The following SCNM1 variants were observed in gnomAD, a reference collection of about 807,000 sequenced individuals.
SCNM1 encodes the protein sodium channel modifier 1.
A neutral mutation model predicts 32.8 loss-of-function variants in SCNM1; 24 were observed. That is an observed-to-expected ratio of 0.73 (90% CI 0.53 to 1.03). The LOEUF is 1.03. SCNM1 is among the 50% of genes least tolerant of loss of function. The pLI, the probability that SCNM1 is intolerant of heterozygous loss-of-function variation, is 0.00. For missense variants in SCNM1, 274 were observed against 282.3 expected (o/e 0.97, Z 0.21); for synonymous variants, 99 against 103.2 (o/e 0.96, Z 0.25).
Position 151,169,474 on chromosome 1 carries a change from G to C in SCNM1, c.*389G>C, listed in dbSNP as rs1683870828. On this transcript the variant is annotated 3_prime_UTR_variant, in exon 7 of 7. Coordinates refer to ENST00000368905, the MANE Select transcript of SCNM1 (RefSeq NM_024041.4). ...TTAGCCAGGATGGTCTCGATCTCCT[G>C]ACCTCGTGATCCGCCCACCTCGGCC... 1 of 173,348 alleles carries C rather than the reference G, an allele frequency of 5.8e-6. No homozygotes were observed. Among genetic ancestry groups the C allele is most frequent in the Non-Finnish European group, 1.3e-5 (1 of 79,948 alleles). The allele number at this position is 173,348 out of a possible 1,614,324, so 10.7% of individuals were successfully genotyped here.
chr1:151,167,387 A>G lies in SCNM1; in HGVS notation c.371A>G (p.Tyr124Cys), dbSNP rs763985521. The G allele has an allele frequency of 4.3e-6, 7 of 1,614,186 alleles. No homozygotes were observed. Among genetic ancestry groups the G allele is most frequent in the South Asian group, 1.1e-5 (1 of 91,084 alleles). ...TQSALHRAPH[Y>C]NSCCRRKYRP... Reference sequence around the variant, plus strand: ...AGTGCTCTGCACAGAGCTCCCCACTATAACAGTTGCTGCCGCCGGAAGTAC... The same window carrying G: ...AGTGCTCTGCACAGAGCTCCCCACTGTAACAGTTGCTGCCGCCGGAAGTAC... The change falls in exon 5 of 7, where the codon TAT (tyrosine) becomes TGT (cysteine). Residue 124 changes from tyrosine (Y) to cysteine (C), a missense_variant. By Grantham distance (194) the Tyr-to-Cys change is radical. Coordinates refer to ENST00000368905, the MANE Select transcript of SCNM1 (RefSeq NM_024041.4).
chr1:151,167,043 G>A (rs587691221), intron 3 of SCNM1, 21 bp downstream of exon 3: 1 of 1,614,016 alleles, frequency 6.2e-7, no homozygotes, highest in South Asian at 1.1e-5. Flanking sequence ...GGGAAGACGG[G>A]ATGGGGAATA....
rs1033912257 is a variant in SCNM1, at chr1:151,170,060, T to A, written c.*975T>A. 3 of 1,613,970 alleles carry A rather than the reference T, an allele frequency of 1.9e-6. No individual in the cohort carries two copies. Among genetic ancestry groups the A allele is most frequent in the African/African-American group, 2.7e-5 (2 of 75,034 alleles). On this transcript the variant is annotated 3_prime_UTR_variant, in exon 7 of 7. Transcript: ENST00000368905. ...AAGTGTCCAGTGCTCCCAGCGCTAG[T>A]TGGTAAAGGGAAATGCAGTGTTATC...
At chr1:151,168,455 C>G (rs1350948993) in intron 6 of SCNM1, 117 bp downstream of exon 6, 73 of 1,390,142 alleles carry the variant, frequency 5.3e-5, no homozygotes, top group Non-Finnish European at 6.7e-5. Context: ...GTTGCCCCAG[C>G]TGGAGTGCAA....
At chr1:151,168,089 T>A in intron 5 of SCNM1, 55 bp from the exon 6 acceptor site, 2 of 1,517,160 alleles carry the variant, frequency 1.3e-6, no homozygotes, top group Non-Finnish European at 1.8e-6. Flanking sequence ...TTGGGAGTCA[T>A]AGGAGAGTTG....
rs1392984772 is a variant in SCNM1 at position 151,168,478 on chromosome 1, G to A, written c.593+140G>A. The A allele has an allele frequency of 2.8e-5, 35 of 1,267,480 alleles. No homozygotes were observed. In the South Asian group the frequency reaches 4.3e-4, roughly 16 times the overall value. The allele number at this position is 1,267,480 out of a possible 1,614,324, so 78.5% of individuals were successfully genotyped here. On this transcript the variant is annotated intron_variant, in intron 6 of 6. Coordinates refer to ENST00000368905, the MANE Select transcript of SCNM1 (RefSeq NM_024041.4). ...AGCTGGAGTGCAATGGCACGCTCTC[G>A]GCTCACTGTAACCTCCACCTCCTGG...
At chr1:151,166,909 T>C in intron 2 of SCNM1, 25 bp from the exon 3 acceptor site, 1 of 1,613,630 alleles carries the variant, frequency 6.2e-7, no homozygotes, top group Non-Finnish European at 8.5e-7. Context: ...CTGGACCACT[T>C]ATCCTCTTCT....
At chr1:151,168,737 G>C (rs11577302) in intron 6 of SCNM1, among the ~76,000 whole-genome samples, 1 of 140,572 alleles carries the variant, frequency 7.1e-6, no homozygotes, top group Non-Finnish European at 1.5e-5. Context: ...CTTTGGTTTC[G>C]TTTTGTTTTA....
At position 151,166,178 on chromosome 1, in the gene SCNM1, A is replaced by T. The variant is rs138492136; in HGVS notation, c.26A>T (p.Asp9Val). The T allele has an allele frequency of 6.2e-7, 1 of 1,606,300 alleles. No individual in the cohort carries two copies. Among genetic ancestry groups the T allele is most frequent in the Admixed American group, 1.7e-5 (1 of 58,844 alleles). ...ATGTCTTTCAAGAGGGAAGGAGACGATTGGAGTCAACTCAATGTGCTCAAA... is the reference window on the plus strand; with the variant it reads ...ATGTCTTTCAAGAGGGAAGGAGACGTTTGGAGTCAACTCAATGTGCTCAAA... MSFKREGD[D>V]WSQLNVLKKR... The change falls in exon 1 of 7, where the codon GAT becomes GTT. Residue 9 changes from aspartate to valine, a missense_variant. Coordinates refer to ENST00000368905, the MANE Select transcript of SCNM1 (RefSeq NM_024041.4).
Position 151,166,511 on chromosome 1 carries a change from A to AG in SCNM1, c.94dup (p.Asp32GlyfsTer2). On this transcript the variant is annotated frameshift_variant, in exon 2 of 7. Transcript: ENST00000368905. LOFTEE classifies it high-confidence loss of function. The stretch of plus-strand genomic sequence containing the variant: ...GACCTCCTAGCCAGTTACATTCCAG[A>AG]GGATGAGGCGCTGATGCTTCGGGAT... 1 of 1,613,862 alleles carries AG rather than the reference A, an allele frequency of 6.2e-7. No individual in the cohort carries two copies. Among genetic ancestry groups the AG allele is most frequent in the Non-Finnish European group, 8.5e-7 (1 of 1,179,990 alleles).
Position 151,167,139 on chromosome 1 carries a change from GC to G in SCNM1, c.231del (p.Lys78ArgfsTer18). 6.2e-7 allele frequency: 1 copy of G among 1,614,174 alleles called. No individual in the cohort carries two copies. The highest frequency in any genetic ancestry group is 8.5e-7 in the Non-Finnish European group (1 of 1,180,044). ...KHLSSLQLFY[G>X]KKQPGKERKQ... ...TCCTCAGGCTTGCAGCTTTTCTATG[GC>G]AAGAAGCAGCCGGGAAAGGAAAGAA... On this transcript the variant is annotated frameshift_variant, in exon 4 of 7. Transcript: ENST00000368905. LOFTEE classifies it high-confidence loss of function.
chr1:151,169,261 T>C lies in SCNM1; in HGVS notation c.*176T>C, dbSNP rs946710457. On this transcript the variant is annotated 3_prime_UTR_variant, in exon 7 of 7. Coordinates refer to ENST00000368905, the MANE Select transcript of SCNM1 (RefSeq NM_024041.4). ...ACTCCTTTTTTTTTTTTTTTTTTTT[T>C]TGAGGCAGAGTCTCGCTCTATCGCC... The C allele has an allele frequency of 3.4e-6, 2 of 587,912 alleles. No individual in the cohort carries two copies. The highest frequency in any genetic ancestry group is 1.9e-5 in the African/African-American group (1 of 51,758). The allele number at this position is 587,912 out of a possible 1,614,324, so 36.4% of individuals were successfully genotyped here.
intron 2 of SCNM1, 135 bp downstream of exon 2, chr1:151,166,676 C>T: frequency 4.3e-6 from 6 of 1,409,572 alleles, no homozygotes; most frequent in Non-Finnish European, 3.8e-6. Flanking sequence ...TCAAGTGATC[C>T]TGCCTCCTCA....
Position 151,168,237 on chromosome 1 carries a change from T to C in SCNM1, c.492T>C (p.Pro164=), listed in dbSNP as rs1232051004. Residue 164 remains proline, a synonymous_variant, in exon 6 of 7, where the codon CCT becomes CCC. Transcript: ENST00000368905. Reference sequence around the variant, plus strand: ...GGAAGATCAGTAGGGAACCTGAACCTGCGGCTGGCCCACAGGCCGAGGAGT... The same window carrying C: ...GGAAGATCAGTAGGGAACCTGAACCCGCGGCTGGCCCACAGGCCGAGGAGT... ...QSGKISREPE[P]AAGPQAEESA... The C allele has an allele frequency of 6.2e-7, 1 of 1,614,108 alleles. No individual in the cohort carries two copies. Among genetic ancestry groups the C allele is most frequent in the Non-Finnish European group, 8.5e-7 (1 of 1,180,012 alleles).
At chr1:151,166,692 G>T (rs959426077) in intron 2 of SCNM1, 151 bp downstream of exon 2, 11 of 1,355,634 alleles carry the variant, frequency 8.1e-6, no homozygotes, top group Non-Finnish European at 9.8e-6. Context: ...CCTCAGCGTC[G>T]CGATTAGCTG....
At position 151,166,559 on chromosome 1, in the gene SCNM1, C is replaced by T. The variant is rs1439170547; in HGVS notation, c.122+18C>T. On this transcript the variant is annotated intron_variant, in intron 2 of 6. Coordinates refer to ENST00000368905, the MANE Select transcript of SCNM1 (RefSeq NM_024041.4). The stretch of plus-strand genomic sequence containing the variant: ...GATGGACGGTAAGAGCAAGGAGTGG[C>T]TCAAGCCTGAGGGTTCTGCGGTTAG... 7 of 1,613,082 alleles carry T rather than the reference C, an allele frequency of 4.3e-6. No individual in the cohort carries two copies. The highest frequency in any genetic ancestry group is 4.2e-6 in the Non-Finnish European group (5 of 1,179,748).
In SCNM1 at chr1:151,168,125, A is replaced by C. The variant is rs1229143495; in HGVS notation, c.399-19A>C. On this transcript the variant is annotated intron_variant, in intron 5 of 6. Transcript: ENST00000368905. ...GCCCTTTCCCTTACTGCTTTTACAG[A>C]CTATTCTTCTCTACCTAGACCAGAA... 1.3e-6 allele frequency: 2 copies of C among 1,581,630 alleles called. No homozygotes were observed. Among genetic ancestry groups the C allele is most frequent in the Non-Finnish European group, 1.7e-6 (2 of 1,163,876 alleles).
chr1:151,169,702 C>T lies in SCNM1; in HGVS notation c.*617C>T, dbSNP rs145965816. The stretch of plus-strand genomic sequence containing the variant: ...CTCCACTACCACTCAAAGTCCTTTC[C>T]CCCTTCAAATCACATAAGGACTGCA... On this transcript the variant is annotated 3_prime_UTR_variant, in exon 7 of 7. Coordinates refer to ENST00000368905, the MANE Select transcript of SCNM1 (RefSeq NM_024041.4). The T allele has an allele frequency of 7.7e-5, 18 of 235,232 alleles. No homozygotes were observed. The highest frequency in any genetic ancestry group is 1.4e-4 in the Non-Finnish European group (17 of 119,606). The allele number at this position is 235,232 out of a possible 1,614,324, so 14.6% of individuals were successfully genotyped here. A position where few individuals can be genotyped will look rare whatever the true frequency, so the allele number is the denominator to read the frequency against.
chr1:151,166,157 C>G lies in SCNM1; in HGVS notation c.5C>G (p.Ser2Cys). 1 of 1,605,864 alleles carries G rather than the reference C, an allele frequency of 6.2e-7. No homozygotes were observed. Among genetic ancestry groups the G allele is most frequent in the Non-Finnish European group, 8.5e-7 (1 of 1,175,504 alleles). The stretch of plus-strand genomic sequence containing the variant: ...CTTCTGGGACTCACAGTCGTGATGT[C>G]TTTCAAGAGGGAAGGAGACGATTGG... MSFKREGDDWSQ... is the reference protein window; with the variant it reads MCFKREGDDWSQ... The change falls in exon 1 of 7, where the codon TCT (serine) becomes TGT (cysteine). Residue 2 changes from serine (S) to cysteine (C), a missense_variant. Ser to Cys is a moderately radical substitution (Grantham distance 112, BLOSUM62 -1). Coordinates refer to ENST00000368905, the MANE Select transcript of SCNM1 (RefSeq NM_024041.4).
Sources: allele counts gnomAD v4.1 joint callset (sites outside exome capture counted in the v4.1 genomes callset), GRCh38; gene constraint gnomAD v4.1.1; transcripts MANE v1.5; gene names NCBI Gene and HGNC (gene_info 2026-07-23, HGNC 2026-07-21).